The following CCDC178 variants were observed in gnomAD, a reference collection of about 807,000 sequenced individuals.
CCDC178 encodes the protein coiled-coil domain containing 178, also known as coiled-coil domain-containing protein 178.
Under a neutral mutation model 117.4 loss-of-function variants are expected in CCDC178, and 126 were observed. That is an observed-to-expected ratio of 1.07 (90% CI 0.93 to 1.24). The LOEUF (loss-of-function observed/expected upper bound fraction) is 1.24. Among genes scored for constraint, CCDC178 ranks in the 50% most tolerant of loss-of-function variants. The probability of loss-of-function intolerance (pLI) is 0.00; values close to 1 mark genes in which losing one functional copy is unlikely to be tolerated. For synonymous variants in CCDC178, 283 were observed against 313.4 expected (o/e 0.90, Z 1.02); for missense variants, 1,030 against 986.9 (o/e 1.04, Z -0.59).
At chr18:33,302,416 T>C (rs2062188636) in intron 11 of CCDC178, among the ~76,000 whole-genome samples, 1 of 152,186 alleles carries the variant, frequency 6.6e-6, no homozygotes, top group Non-Finnish European at 1.5e-5. Flanking sequence ...ACACTGCTGG[T>C]GGGAATGTAA....
At chr18:32,978,576 A>G (rs1244708001) in intron 21 of CCDC178, among the ~76,000 whole-genome samples, 1 of 152,226 alleles carries the variant, frequency 6.6e-6, no homozygotes, top group African/African-American at 2.4e-5. Context: ...AAAGGTATAA[A>G]TCAAAAACTT....
intron 21 of CCDC178, among the ~76,000 whole-genome samples, chr18:33,086,916 C>T (rs904009443): frequency 2.7e-5 from 4 of 149,294 alleles, no homozygotes; most frequent in African/African-American, 7.4e-5. Flanking sequence ...AAAATGTCTC[C>T]GGACACTGCA....
intron 21 of CCDC178, among the ~76,000 whole-genome samples, chr18:33,029,614 G>A (rs1380130316): frequency 6.6e-6 from 1 of 151,692 alleles, no homozygotes; most frequent in East Asian, 1.9e-4. Context: ...GACCTTTCTT[G>A]TTCATGTAGG....
intron 12 of CCDC178, among the ~76,000 whole-genome samples, chr18:33,276,092 G>C (rs1179490137): frequency 6.6e-6 from 1 of 151,798 alleles, no homozygotes; most frequent in Non-Finnish European, 1.5e-5. Context: ...TCTGAAGTTG[G>C]ACTTCTCAGA....
chr18:33,185,398 G>A (rs554556457), intron 20 of CCDC178, among the ~76,000 whole-genome samples: 7 of 152,118 alleles, frequency 4.6e-5, no homozygotes, highest in South Asian at 2.1e-4. Flanking sequence ...AGTACATTGC[G>A]AATACTGCTT....
intron 5 of CCDC178, among the ~76,000 whole-genome samples, chr18:33,384,946 C>A (rs1377606628): frequency 6.6e-6 from 1 of 152,184 alleles, no homozygotes; most frequent in Non-Finnish European, 1.5e-5. Flanking sequence ...TGGAACCCAT[C>A]AGTGTGCTGT....
chr18:33,344,849 ACACAC>A (rs1263322017), intron 9 of CCDC178, among the ~76,000 whole-genome samples: 9 of 140,652 alleles, frequency 6.4e-5, no homozygotes, highest in Admixed American at 3.6e-4. Flanking sequence ...ACACACACAC[ACACAC>A]ATATATTTAT....
At chr18:33,354,295 T>C (rs1393550922) in intron 7 of CCDC178, among the ~76,000 whole-genome samples, 2 of 152,196 alleles carry the variant, frequency 1.3e-5, no homozygotes, top group Non-Finnish European at 1.5e-5. Flanking sequence ...TTGGAGTTCA[T>C]TGAGTTTAAT....
intron 19 of CCDC178, among the ~76,000 whole-genome samples, chr18:33,213,981 C>T (rs2059136286): frequency 1.3e-5 from 2 of 152,014 alleles, no homozygotes; most frequent in South Asian, 4.1e-4. Context: ...TAATAAGTAG[C>T]TTGTTGTGGG....
chr18:33,318,391 T>C (rs2062449915), intron 11 of CCDC178, among the ~76,000 whole-genome samples: 1 of 152,178 alleles, frequency 6.6e-6, no homozygotes. Flanking sequence ...GCATTTCTCG[T>C]AGTTGGTGGT....
chr18:33,412,271 T>C lies in CCDC178; in HGVS notation c.-22-161A>G, dbSNP rs16964621. ...CTTTTTCTTATTAGGACTATTACGA[T>C]CTCATTCAGAAATATCAAATATAAA... is the stretch of plus-strand genomic sequence containing the variant. On this transcript the variant is annotated intron_variant, in intron 2 of 22. Transcript: ENST00000383096. Among the ~76,000 whole-genome samples, 203 of 152,218 alleles carry C rather than the reference T, an allele frequency of 1.3e-3. 1 individual carries two copies. The highest frequency in any genetic ancestry group is 4.6e-3 in the African/African-American group (193 of 41,554).
At chr18:33,374,256 G>C (rs2063336601) in intron 5 of CCDC178, among the ~76,000 whole-genome samples, 1 of 152,242 alleles carries the variant, frequency 6.6e-6, no homozygotes, top group Non-Finnish European at 1.5e-5. Flanking sequence ...TAGAATCCCT[G>C]ACCAATAACT....
At chr18:33,096,116 A>ACCC (rs143676048) in intron 20 of CCDC178, among the ~76,000 whole-genome samples, 1 of 140,030 alleles carries the variant, frequency 7.1e-6, no homozygotes, top group African/African-American at 2.7e-5. Flanking sequence ...TCTACTCCCC[A>ACCC]CCCCCCCCAC....
At chr18:33,323,960 C>T (rs912952665) in intron 10 of CCDC178, among the ~76,000 whole-genome samples, 5 of 151,708 alleles carry the variant, frequency 3.3e-5, no homozygotes, top group Admixed American at 2.6e-4. Flanking sequence ...ATATCGCAAA[C>T]AAAGTGACCT....
intron 15 of CCDC178, among the ~76,000 whole-genome samples, chr18:33,244,253 T>C (rs1049466707): frequency 6.6e-6 from 1 of 151,934 alleles, no homozygotes; most frequent in Non-Finnish European, 1.5e-5. Context: ...TTTTTGCTCA[T>C]AAGTCTTTAA....
At chr18:33,102,876 C>T (rs992423409) in intron 20 of CCDC178, among the ~76,000 whole-genome samples, 1 of 151,792 alleles carries the variant, frequency 6.6e-6, no homozygotes, top group African/African-American at 2.4e-5. Flanking sequence ...TTTATTGGAA[C>T]ACCTCATACT....
intron 10 of CCDC178, among the ~76,000 whole-genome samples, chr18:33,332,327 T>C (rs2062680691): frequency 6.6e-6 from 1 of 152,168 alleles, no homozygotes; most frequent in Non-Finnish European, 1.5e-5. Flanking sequence ...ACTTGTTTTA[T>C]TTACTTTAAA....
chr18:33,382,921 G>A (rs2063453952), intron 5 of CCDC178, among the ~76,000 whole-genome samples: 1 of 152,162 alleles, frequency 6.6e-6, no homozygotes, highest in Non-Finnish European at 1.5e-5. Context: ...AGAACCACTG[G>A]CCTGAAATTC....
At chr18:33,260,453 CATTAT>C (rs1187035093) in intron 14 of CCDC178, among the ~76,000 whole-genome samples, 3 of 150,346 alleles carry the variant, frequency 2.0e-5, no homozygotes, top group Non-Finnish European at 4.4e-5. Flanking sequence ...TTATATTTAT[CATTAT>C]ATTATATATT....
Sources: gnomAD v4.1 joint callset for allele counts (sites outside exome capture counted in the v4.1 genomes callset) on GRCh38, gnomAD v4.1.1 for gene constraint, MANE v1.5 for transcripts, NCBI Gene and HGNC (gene_info 2026-07-23, HGNC 2026-07-21) for gene names.